Variants in SNX29 observed in about 807,000 individuals in gnomAD.
SNX29 encodes sorting nexin 29.
A neutral mutation model predicts 102.1 loss-of-function variants in SNX29; 78 were observed. The ratio of observed to expected loss-of-function variants is 0.76; its 90% CI spans 0.64 to 0.92. The LOEUF (loss-of-function observed/expected upper bound fraction) is 0.92, where lower values mean the gene tolerates loss of function less well. Among genes scored for constraint, SNX29 ranks in the 40% least tolerant of loss-of-function variants. SNX29 has a pLI of 0.00. For synonymous variants in SNX29, 580 were observed against 414.5 expected (o/e 1.40, Z -4.85); for missense variants, 1,280 against 1,061.7 (o/e 1.21, Z -2.86).
At chr16:12,221,864 G>A (rs767612682) in intron 14 of SNX29, among the ~76,000 whole-genome samples, 21 of 152,164 alleles carry the variant, frequency 1.4e-4, no homozygotes, top group Non-Finnish European at 2.1e-4. Flanking sequence ...TTCCTTGGGT[G>A]CACTAAGGAA....
chr16:11,977,147 TC>T (rs2055319503), intron 1 of SNX29: 1 of 314,692 alleles, frequency 3.2e-6, no homozygotes, highest in African/African-American at 2.2e-5. Context: ...CAGGTCTCAG[TC>T]TCTCCTAACT....
chr16:12,116,711 C>A (rs140837379), intron 11 of SNX29, among the ~76,000 whole-genome samples: 2 of 152,164 alleles, frequency 1.3e-5, no homozygotes, highest in Admixed American at 6.5e-5. Context: ...CATGCTTCAA[C>A]GTGGATGAAC....
chr16:12,560,400 C>CA (rs1366445329), intron 20 of SNX29, among the ~76,000 whole-genome samples: 3 of 152,132 alleles, frequency 2.0e-5, no homozygotes, highest in Non-Finnish European at 4.4e-5. Context: ...CTTTAATCCC[C>CA]AAAAGCCACA....
chr16:12,375,504 A>T (rs1395166648), intron 16 of SNX29: 1 of 152,216 alleles, frequency 6.6e-6, no homozygotes, highest in Non-Finnish European at 1.5e-5. Flanking sequence ...CGGTGACTGC[A>T]GACACCTCAG....
intron 15 of SNX29, among the ~76,000 whole-genome samples, chr16:12,299,410 G>A (rs1217332380): frequency 6.6e-6 from 1 of 152,134 alleles, no homozygotes; most frequent in African/African-American, 2.4e-5. Flanking sequence ...GCCCATGGAC[G>A]GTGTTTAGTT....
At chr16:12,066,263 T>G (rs1034326954) in intron 9 of SNX29, among the ~76,000 whole-genome samples, 2 of 152,150 alleles carry the variant, frequency 1.3e-5, no homozygotes, top group African/African-American at 4.8e-5. Flanking sequence ...AGAAGGCCTC[T>G]TAGATGGTAT....
chr16:12,193,553 A>G, intron 13 of SNX29, among the ~76,000 whole-genome samples: 1 of 152,026 alleles, frequency 6.6e-6, no homozygotes, highest in East Asian at 1.9e-4. Flanking sequence ...TTAGTATTAT[A>G]TCTAAGAAAT....
chr16:12,265,060 T>C (rs2078886254), intron 14 of SNX29, among the ~76,000 whole-genome samples: 1 of 152,198 alleles, frequency 6.6e-6, no homozygotes. Flanking sequence ...AAAAACAGCA[T>C]TTGGGGTGAT....
At chr16:12,303,649 A>T (rs972106789) in intron 15 of SNX29, among the ~76,000 whole-genome samples, 2 of 152,258 alleles carry the variant, frequency 1.3e-5, no homozygotes, top group African/African-American at 4.8e-5. Flanking sequence ...AGAGGTTCTC[A>T]AAAGTTCCAG....
intron 11 of SNX29, among the ~76,000 whole-genome samples, chr16:12,105,313 C>G (rs964375294): frequency 6.6e-6 from 1 of 150,676 alleles, no homozygotes; most frequent in African/African-American, 2.4e-5. Context: ...CAACCTCTGC[C>G]TCCTGGGTTC....
At chr16:12,538,192 C>T (rs138039606) in intron 20 of SNX29, among the ~76,000 whole-genome samples, 173 of 152,160 alleles carry the variant, frequency 1.1e-3, no homozygotes, top group Admixed American at 2.9e-3. Context: ...CTAGGCTCAC[C>T]GCAAGCTCTG....
chr16:12,515,762 C>A (rs772100985), intron 19 of SNX29, among the ~76,000 whole-genome samples: 1 of 152,104 alleles, frequency 6.6e-6, no homozygotes, highest in Non-Finnish European at 1.5e-5. Flanking sequence ...TACGTTCCTT[C>A]AAGGCACGGT....
chr16:12,189,503 C>T (rs1481782246), intron 13 of SNX29, among the ~76,000 whole-genome samples: 1 of 152,042 alleles, frequency 6.6e-6, no homozygotes, highest in Admixed American at 6.6e-5. Context: ...GTTGCAGAGG[C>T]GATGCATCTT....
At chr16:12,448,308 C>T (rs1274122424) in intron 18 of SNX29, among the ~76,000 whole-genome samples, 1 of 151,914 alleles carries the variant, frequency 6.6e-6, no homozygotes, top group African/African-American at 2.4e-5. Flanking sequence ...TTCCTCAGAT[C>T]CCTGTCTTTG....
chr16:12,546,101 A>C (rs1316448972), intron 20 of SNX29, among the ~76,000 whole-genome samples: 1 of 152,154 alleles, frequency 6.6e-6, no homozygotes, highest in Non-Finnish European at 1.5e-5. Context: ...TCACTGTGTG[A>C]CTTTGGACAA....
At position 12,572,751 on chromosome 16, in the gene SNX29, A is replaced by C. The variant is rs1335110574; in HGVS notation, c.*4122A>C. ...ATGGCAAAGGAAGGGCTGGGTTTTC[A>C]GCTTCTGGGACCCGAGGAAGACCCC... is the stretch of plus-strand genomic sequence containing the variant. On this transcript the variant is annotated 3_prime_UTR_variant, in exon 21 of 21. Transcript: ENST00000566228. The C allele has an allele frequency of 3.8e-6, 4 of 1,063,842 alleles. No homozygotes were observed. The highest frequency in any genetic ancestry group is 5.0e-5 in the East Asian group (1 of 19,882). 65.9% of individuals were successfully genotyped at this position (1,063,842 alleles called of 1,614,324 possible).
chr16:12,035,673 G>C (rs1263934363), intron 4 of SNX29, among the ~76,000 whole-genome samples: 1 of 152,132 alleles, frequency 6.6e-6, no homozygotes, highest in African/African-American at 2.4e-5. Context: ...CTGATACCAT[G>C]TGTGGCTGAT....
chr16:12,318,507 C>G (rs956424977), intron 15 of SNX29, among the ~76,000 whole-genome samples: 2 of 152,178 alleles, frequency 1.3e-5, no homozygotes, highest in Admixed American at 1.3e-4. Flanking sequence ...GCTTCATTCC[C>G]ATCCTCTGTT....
At chr16:12,302,782 T>C (rs2151103644) in intron 15 of SNX29, among the ~76,000 whole-genome samples, 1 of 152,306 alleles carries the variant, frequency 6.6e-6, no homozygotes, top group East Asian at 1.9e-4. Context: ...TAAAACGCCA[T>C]GGAGTGACTT....
Sources: allele counts gnomAD v4.1 joint callset (sites outside exome capture counted in the v4.1 genomes callset), GRCh38; gene constraint gnomAD v4.1.1; transcripts MANE v1.5; gene names NCBI Gene and HGNC (gene_info 2026-07-23, HGNC 2026-07-21).